The following TENM1 variants were observed in gnomAD, a reference collection of about 807,000 sequenced individuals.
The protein encoded by TENM1 is teneurin-1.
Under a neutral mutation model 174.8 loss-of-function variants are expected in TENM1, and 35 were observed. That is an observed-to-expected ratio of 0.20 (90% CI 0.15 to 0.27). TENM1 has a LOEUF of 0.27. Among genes scored for constraint, TENM1 ranks in the 10% least tolerant of loss-of-function variants. TENM1 has a pLI of 1.00. For synonymous variants in TENM1, 781 were observed against 798.7 expected (o/e 0.98, Z 0.37); for missense variants, 1,633 against 2,130.1 (o/e 0.77, Z 4.59).
At chrX:125,198,380 T>G in the TENM1 span, among the ~76,000 whole-genome samples, 1 of 111,804 alleles carries the variant, frequency 8.9e-6, no homozygotes, top group Non-Finnish European at 1.9e-5. Context: ...TACAAAATCA[T>G]AATTTGAAAG....
intron 3 of TENM1, among the ~76,000 whole-genome samples, chrX:124,892,621 T>C (rs913111004): frequency 3.6e-5 from 4 of 111,940 alleles, no homozygotes; most frequent in African/African-American, 6.5e-5. Context: ...GTTGGACAAT[T>C]CACCTAAATT....
intron 16 of TENM1, among the ~76,000 whole-genome samples, chrX:124,528,107 TG>T (rs1409954358): frequency 1.8e-5 from 2 of 109,756 alleles, no homozygotes; most frequent in African/African-American, 6.6e-5. Context: ...GGTTGGCATT[TG>T]GGGCCCATAT....
intron 27 of TENM1, among the ~76,000 whole-genome samples, chrX:124,398,490 C>G (rs1347745020): frequency 9.0e-6 from 1 of 110,986 alleles, no homozygotes; most frequent in African/African-American, 3.3e-5. Context: ...CCATTTTTTT[C>G]TTTCTTTTTG....
chrX:124,562,244 T>C (rs995523665), intron 13 of TENM1, among the ~76,000 whole-genome samples: 2 of 112,063 alleles, frequency 1.8e-5, no homozygotes, highest in African/African-American at 6.5e-5. Context: ...TAGTCTGTGC[T>C]GATTTTCCCT....
At chrX:124,710,704 A>G (rs942835212) in intron 4 of TENM1, among the ~76,000 whole-genome samples, 1 of 112,269 alleles carries the variant, frequency 8.9e-6, no homozygotes. Context: ...ACGGTTCTCA[A>G]TGAGGGTAGA....
intron 15 of TENM1, among the ~76,000 whole-genome samples, chrX:124,539,180 C>T (rs1489148810): frequency 9.0e-6 from 1 of 111,715 alleles, no homozygotes; most frequent in Non-Finnish European, 1.9e-5. Context: ...CCCTAAAAGT[C>T]AACAGCAGGC....
At chrX:124,976,621 C>T in the TENM1 span, among the ~76,000 whole-genome samples, 1 of 111,747 alleles carries the variant, frequency 8.9e-6, no homozygotes, top group African/African-American at 3.2e-5. Flanking sequence ...GAATCTATAT[C>T]CAGTTTCATT....
exon 22 of TENM1, chrX:124,481,929 T>C (rs1436087392): frequency 2.5e-6 from 3 of 1,199,406 alleles, no homozygotes; most frequent in Admixed American, 4.4e-5. Context: ...AGACACAGGG[T>C]CCATAGCCAG....
intron 18 of TENM1, among the ~76,000 whole-genome samples, chrX:124,510,445 G>C (rs936329130): frequency 4.5e-5 from 5 of 112,044 alleles, no homozygotes; most frequent in Non-Finnish European, 7.5e-5. Context: ...GGCCAAAAAT[G>C]GTGCTTGGTT....
the TENM1 span, among the ~76,000 whole-genome samples, chrX:125,165,889 A>G: frequency 9.0e-6 from 1 of 111,518 alleles, no homozygotes; most frequent in Middle Eastern, 4.2e-3. Context: ...TTAGTAAAAA[A>G]TAATTCAAAT....
intron 6 of TENM1, among the ~76,000 whole-genome samples, chrX:124,660,108 A>T (rs1274508472): frequency 9.0e-6 from 1 of 111,663 alleles, no homozygotes; most frequent in African/African-American, 3.3e-5. Flanking sequence ...ACAAATAACA[A>T]AGAAAAAAAT....
intron 5 of TENM1, 40 bp from the exon 9 acceptor site, chrX:124,671,875 CACTGAGA>C: frequency 8.5e-7 from 1 of 1,179,814 alleles, no homozygotes; most frequent in Non-Finnish European, 1.1e-6. Context: ...ATTCCAGACT[CACTGAGA>C]ACATCTCCAA....
At chrX:124,643,691 AT>A (rs1392306482) in intron 10 of TENM1, among the ~76,000 whole-genome samples, 1 of 111,389 alleles carries the variant, frequency 9.0e-6, no homozygotes, top group Admixed American at 9.6e-5. Flanking sequence ...TTTCTATTGC[AT>A]TGGAAAAATT....
intron 1 of TENM1, among the ~76,000 whole-genome samples, chrX:124,956,917 A>G (rs951666690): frequency 9.8e-5 from 11 of 112,414 alleles, no homozygotes; most frequent in African/African-American, 3.6e-4. Context: ...ATAAGCAAAC[A>G]ATCATTTAAA....
rs764548645 is a variant in TENM1, at chrX:124,385,640, ATGT to A, written c.6076+34_6076+36del. The stretch of plus-strand genomic sequence containing the variant: ...GTAAAAATGTCATAAGAAAATAGTG[ATGT>A]TGTTGTACACACCACCACTCTTTCA... On this transcript the variant is annotated intron_variant, in intron 29 of 31. Transcript: ENST00000422452. 3.2e-5 allele frequency: 37 copies of A among 1,139,431 alleles called. No individual in the cohort carries two copies. The Admixed American group carries it at 7.9e-4, about 24-fold the overall frequency. 93.9% of individuals were successfully genotyped at this position (1,139,431 alleles called of 1,213,427 possible). A position where few individuals can be genotyped will look rare whatever the true frequency, so the allele number is the denominator to read the frequency against.
the TENM1 span, among the ~76,000 whole-genome samples, chrX:125,008,201 T>C: frequency 9.3e-6 from 1 of 107,367 alleles, no homozygotes; most frequent in Non-Finnish European, 1.9e-5. Context: ...ACCCAGCAAA[T>C]GGAAAGCAAA....
chrX:125,083,994 C>T, the TENM1 span, among the ~76,000 whole-genome samples: 14 of 111,526 alleles, frequency 1.3e-4, no homozygotes, highest in African/African-American at 4.5e-4. Context: ...TGTTTCCTTT[C>T]TTCCAATATG....
intron 3 of TENM1, among the ~76,000 whole-genome samples, chrX:124,853,842 AAAG>A (rs752557073): frequency 6.3e-5 from 7 of 111,162 alleles, no homozygotes; most frequent in African/African-American, 9.8e-5. Context: ...ATAATGAAAG[AAAG>A]AAGAAGAAGG....
At chrX:124,737,729 C>T (rs2053707913) in intron 3 of TENM1, among the ~76,000 whole-genome samples, 1 of 112,308 alleles carries the variant, frequency 8.9e-6, no homozygotes, top group Non-Finnish European at 1.9e-5. Flanking sequence ...ACGAGTGTGT[C>T]GCTTGGCTGT....
Sources: gnomAD v4.1 joint callset for allele counts (sites outside exome capture counted in the v4.1 genomes callset) on GRCh38, gnomAD v4.1.1 for gene constraint, MANE v1.5 for transcripts, NCBI Gene and HGNC (gene_info 2026-07-23, HGNC 2026-07-21) for gene names.